The following TTC23L variants were observed in gnomAD, a reference collection of about 807,000 sequenced individuals.
TTC23L encodes the protein tetratricopeptide repeat domain 23 like.
Under a neutral mutation model 48.1 loss-of-function variants are expected in TTC23L, and 42 were observed. The ratio of observed to expected loss-of-function variants is 0.87; its 90% CI spans 0.68 to 1.13. TTC23L has a LOEUF of 1.13. TTC23L is among the 50% of genes most tolerant of loss of function. The pLI, the probability that TTC23L is intolerant of heterozygous loss-of-function variation, is 0.00. For missense variants in TTC23L, 391 were observed against 421.0 expected (o/e 0.93, Z 0.62); for synonymous variants, 159 against 157.2 (o/e 1.01, Z -0.09).
chr5:34,865,916 A>G (rs1761018611), intron 6 of TTC23L, among the ~76,000 whole-genome samples: 2 of 152,220 alleles, frequency 1.3e-5, no homozygotes, highest in South Asian at 2.1e-4. Context: ...TATTGATTGT[A>G]TATCTACTAT....
intron 8 of TTC23L, among the ~76,000 whole-genome samples, chr5:34,872,918 C>T (rs1761566836): frequency 6.6e-6 from 1 of 152,026 alleles, no homozygotes; most frequent in Non-Finnish European, 1.5e-5. Context: ...CAAAAATTAG[C>T]CGGGCTTGGT....
At chr5:34,914,676 A>C in the TTC23L span, 1 of 1,613,208 alleles carries the variant, frequency 6.2e-7, no homozygotes, top group Non-Finnish European at 8.5e-7. Context: ...CACAGGCTTA[A>C]AGGCGCCTAC....
chr5:34,870,534 G>A (rs912185963), intron 8 of TTC23L, among the ~76,000 whole-genome samples: 3 of 152,106 alleles, frequency 2.0e-5, no homozygotes, highest in Admixed American at 6.6e-5. Flanking sequence ...AGCATCTAAA[G>A]AAGGAATAGC....
intron 1 of TTC23L, chr5:34,839,652 T>C (rs543121790): frequency 2.0e-6 from 2 of 985,280 alleles, no homozygotes; most frequent in South Asian, 4.7e-5. Flanking sequence ...CTCTGGAGCC[T>C]GGGTCAGAAA....
rs1186514061 is a variant in TTC23L, at chr5:34,864,565, A to G, written c.662+3A>G. 8 of 1,612,028 alleles carry G rather than the reference A, an allele frequency of 5.0e-6. No homozygotes were observed. The highest frequency in any genetic ancestry group is 1.6e-4 in the Middle Eastern group (1 of 6,068). The stretch of plus-strand genomic sequence containing the variant: ...GACCTAACACTTGCTTTGGGCAGGT[A>G]AGATCTGGGCTTGGAGAAGCTGAGG... On this transcript the variant is annotated splice_donor_region_variant and intron_variant, in intron 6 of 10. Transcript: ENST00000505624.
intron 1 of TTC23L, among the ~76,000 whole-genome samples, 199 bp from the exon 2 acceptor site, chr5:34,840,466 G>T (rs889559298): frequency 1.1e-4 from 16 of 152,206 alleles, no homozygotes; most frequent in Admixed American, 2.6e-4. Flanking sequence ...TTAGGGGAAA[G>T]AAATTTAACT....
At chr5:34,914,650 T>C in the TTC23L span, 3 of 1,583,978 alleles carry the variant, frequency 1.9e-6, no homozygotes, top group South Asian at 1.1e-5. Context: ...TTAAATTACA[T>C]TTAGAGTATC....
At chr5:34,894,965 A>G (rs1228590890) in intron 9 of TTC23L, among the ~76,000 whole-genome samples, 1 of 152,066 alleles carries the variant, frequency 6.6e-6, no homozygotes, top group African/African-American at 2.4e-5. Flanking sequence ...AAAGGGAAGG[A>G]TGACTAATCA....
intron 8 of TTC23L, among the ~76,000 whole-genome samples, chr5:34,876,893 C>T (rs1011697778): frequency 6.6e-5 from 10 of 151,842 alleles, no homozygotes; most frequent in East Asian, 3.9e-4. Context: ...ATGTAGACGA[C>T]GGGTTGATGG....
At chr5:34,925,419 T>C in the TTC23L span, 3 of 1,613,740 alleles carry the variant, frequency 1.9e-6, no homozygotes, top group South Asian at 3.3e-5. Flanking sequence ...AAAGTTGATT[T>C]GAAAGCAAGA....
the TTC23L span, among the ~76,000 whole-genome samples, chr5:34,913,206 A>G: frequency 6.6e-6 from 1 of 152,190 alleles, no homozygotes; most frequent in African/African-American, 2.4e-5. Context: ...GACATGTCCA[A>G]AGTATTCTTT....
chr5:34,857,267 G>A (rs1027819735), intron 4 of TTC23L, among the ~76,000 whole-genome samples: 1 of 152,116 alleles, frequency 6.6e-6, no homozygotes, highest in Non-Finnish European at 1.5e-5. Context: ...TGTTCAGGAA[G>A]GAAAATATGG....
At chr5:34,839,754 G>A in intron 1 of TTC23L, 1 of 687,452 alleles carries the variant, frequency 1.5e-6, no homozygotes, top group Non-Finnish European at 1.8e-6. Flanking sequence ...AACTGCGTTC[G>A]ATTTGGGTTT....
At chr5:34,848,947 CAT>C (rs1459770094) in intron 3 of TTC23L, among the ~76,000 whole-genome samples, 1 of 152,164 alleles carries the variant, frequency 6.6e-6, no homozygotes, top group African/African-American at 2.4e-5. Flanking sequence ...GATATAAACA[CAT>C]AAAATACGTT....
chr5:34,921,209 A>G, the TTC23L span: 39 of 152,320 alleles, frequency 2.6e-4, no homozygotes, highest in South Asian at 4.1e-4. Context: ...AGAGTTTATG[A>G]ATACTACAGT....
At chr5:34,868,827 T>C in intron 7 of TTC23L, 78 bp from the exon 8 acceptor site, 1 of 1,290,608 alleles carries the variant, frequency 7.7e-7, no homozygotes, top group Non-Finnish European at 1.1e-6. Context: ...GAGCTGGGAC[T>C]CAAACTCACC....
At chr5:34,907,212 C>T in the TTC23L span, 1 of 152,176 alleles carries the variant, frequency 6.6e-6, no homozygotes, top group Non-Finnish European at 1.5e-5. Context: ...TAAGGTAGGG[C>T]ATTCCAATAT....
In TTC23L at chr5:34,839,269, G is replaced by A. The variant is rs1356092276; in HGVS notation, c.-8+10G>A. The A allele has an allele frequency of 6.5e-6, 1 of 152,752 alleles. No homozygotes were observed. The highest frequency in any genetic ancestry group is 6.5e-5 in the Admixed American group (1 of 15,294). 9.5% of individuals were successfully genotyped at this position (152,752 alleles called of 1,614,324 possible). ...TGGCGCCCGGACCGAGGTGCGCCAG[G>A]GTCAGGAGGCCGACGCAGCGGGAGG... On this transcript the variant is annotated intron_variant, in intron 1 of 10. Coordinates refer to ENST00000505624, the Ensembl canonical transcript of TTC23L.
At chr5:34,901,321 G>C (rs1224949405), downstream of TTC23L, among the ~76,000 whole-genome samples, 1 of 152,108 alleles carries the variant, frequency 6.6e-6, no homozygotes, top group Non-Finnish European at 1.5e-5. Context: ...AACTGTATTT[G>C]GAGGTGTTTT....
Sources: allele counts gnomAD v4.1 joint callset (sites outside exome capture counted in the v4.1 genomes callset), GRCh38; gene constraint gnomAD v4.1.1; transcripts MANE v1.5; gene names NCBI Gene and HGNC (gene_info 2026-07-23, HGNC 2026-07-21).